The following GALK2 variants were observed in gnomAD, a reference collection of about 807,000 sequenced individuals.
GALK2 encodes galactokinase 2.
Under a neutral mutation model 52.4 loss-of-function variants are expected in GALK2, and 36 were observed. The observed-to-expected ratio is 0.69, with a 90% confidence interval of 0.53 to 0.91. GALK2 has a LOEUF of 0.91. GALK2 is among the 40% of genes least tolerant of loss of function. GALK2 has a pLI of 0.00. For missense variants in GALK2, 579 were observed against 559.1 expected (o/e 1.04, Z -0.36); for synonymous variants, 176 against 199.1 (o/e 0.88, Z 0.98).
chr15:49,253,064 GT>G (rs1363865672), intron 5 of GALK2, among the ~76,000 whole-genome samples: 2 of 144,334 alleles, frequency 1.4e-5, no homozygotes, highest in Non-Finnish European at 3.1e-5. Flanking sequence ...TCTATTATAT[GT>G]TGCAAATATT....
At position 49,201,224 on chromosome 15, in the gene GALK2, G is replaced by A. The variant is rs558491610; in HGVS notation, c.116G>A (p.Arg39Gln). 3.2e-5 allele frequency: 51 copies of A among 1,608,210 alleles called. No homozygotes were observed. In the Admixed American group the frequency reaches 5.7e-4, roughly 18 times the overall value. Reference protein sequence around the residue: ...KFGSIPKFYVRAPGRVNIIGE... With the variant: ...KFGSIPKFYVQAPGRVNIIGE... ...GGATCTATTCCCAAGTTTTATGTTC[G>A]AGCACCAGGAAGAGTCAACATAATA... is the stretch of plus-strand genomic sequence containing the variant. Residue 39 changes from arginine to glutamine, a missense_variant, in exon 2 of 10, where the codon CGA (arginine) becomes CAA (glutamine). Arg to Gln is a conservative substitution (Grantham distance 43). Transcript: ENST00000560031.
chr15:49,279,814 TG>T (rs1245927127), intron 5 of GALK2, among the ~76,000 whole-genome samples: 2 of 152,206 alleles, frequency 1.3e-5, no homozygotes, highest in South Asian at 4.1e-4. Flanking sequence ...TAAATCCAAG[TG>T]TTTTGATCTT....
intron 5 of GALK2, among the ~76,000 whole-genome samples, chr15:49,246,768 A>C (rs2091371070): frequency 6.6e-6 from 1 of 152,174 alleles, no homozygotes; most frequent in Non-Finnish European, 1.5e-5. Context: ...AACATGTATA[A>C]TACTGGATTT....
At chr15:49,315,562 C>A (rs944901310) in intron 8 of GALK2, among the ~76,000 whole-genome samples, 4 of 152,304 alleles carry the variant, frequency 2.6e-5, no homozygotes, top group Admixed American at 6.5e-5. Flanking sequence ...AACTGCTTTC[C>A]CACCCAAAGG....
intron 7 of GALK2, among the ~76,000 whole-genome samples, chr15:49,286,728 A>G (rs2033403975): frequency 6.6e-6 from 1 of 152,304 alleles, no homozygotes; most frequent in Non-Finnish European, 1.5e-5. Context: ...CAAGGGTTCA[A>G]TGAACTTTTT....
rs1219488720 is a variant in GALK2 at position 49,239,292 on chromosome 15, C to T, written c.429C>T (p.Gly143=). The T allele has an allele frequency of 6.2e-7, 1 of 1,614,086 alleles. No homozygotes were observed. Among genetic ancestry groups the T allele is most frequent in the Non-Finnish European group, 8.5e-7 (1 of 1,179,966 alleles). ...ATGGAAATATCCCACCAAGTTCTGG[C>T]CTCTCCAGCTCCAGTGCTTTGGTCT... ...LVDGNIPPSS[G]LSSSSALVCC... is the part of the protein sequence containing the mutation. Residue 143 remains glycine, a synonymous_variant, in exon 5 of 10, where the codon GGC becomes GGT. Transcript: ENST00000560031.
intron 8 of GALK2, among the ~76,000 whole-genome samples, chr15:49,299,772 T>C (rs868646261): frequency 6.0e-5 from 8 of 133,236 alleles, no homozygotes; most frequent in Non-Finnish European, 8.2e-5. Context: ...TCTTTCTTTC[T>C]TTCTTTCTTT....
intron 2 of GALK2, among the ~76,000 whole-genome samples, chr15:49,204,983 G>T (rs2088146249): frequency 6.6e-6 from 1 of 152,160 alleles, no homozygotes; most frequent in Non-Finnish European, 1.5e-5. Context: ...ATTTAACTTA[G>T]AATAATAGTC....
Position 49,235,908 on chromosome 15 carries a change from C to T in GALK2, c.324C>T (p.His108=). 1 of 1,613,258 alleles carries T rather than the reference C, an allele frequency of 6.2e-7. No homozygotes were observed. Among genetic ancestry groups the T allele is most frequent in the Non-Finnish European group, 8.5e-7 (1 of 1,179,220 alleles). ...IQIDKTKPLW[H]NYFLCGLKGI... The stretch of plus-strand genomic sequence containing the variant: ...TTGATAAAACCAAGCCTTTGTGGCA[C>T]AACTATTTCTTATGTGGACTTAAAG... Residue 108 remains histidine (H), a synonymous_variant, in exon 4 of 10, where the codon CAC becomes CAT. Coordinates refer to ENST00000560031, the MANE Select transcript of GALK2 (RefSeq NM_002044.4).
chr15:49,173,705 T>G (rs938219945), intron 1 of GALK2, among the ~76,000 whole-genome samples: 1 of 152,204 alleles, frequency 6.6e-6, no homozygotes, highest in African/African-American at 2.4e-5. Flanking sequence ...TTCTCAGATA[T>G]CTGGTATATC....
intron 5 of GALK2, among the ~76,000 whole-genome samples, chr15:49,270,718 T>C (rs1244160672): frequency 6.6e-6 from 1 of 152,214 alleles, no homozygotes; most frequent in Non-Finnish European, 1.5e-5. Context: ...AGATATGTAT[T>C]TGGTTGACTC....
At chr15:49,158,638 T>C (rs1212099695) in intron 1 of GALK2, among the ~76,000 whole-genome samples, 1 of 152,070 alleles carries the variant, frequency 6.6e-6, no homozygotes, top group Non-Finnish European at 1.5e-5. Flanking sequence ...AAAAATACTA[T>C]TACACAAAAT....
intron 2 of GALK2, among the ~76,000 whole-genome samples, chr15:49,203,514 G>A (rs1467922716): frequency 6.6e-6 from 1 of 152,178 alleles, no homozygotes; most frequent in Non-Finnish European, 1.5e-5. Context: ...TTGCTGTGCA[G>A]AAGCTTTTTA....
intron 1 of GALK2, among the ~76,000 whole-genome samples, chr15:49,179,640 CT>C (rs2085795967): frequency 7.2e-6 from 1 of 138,920 alleles, no homozygotes; most frequent in East Asian, 2.1e-4. Context: ...GTTCTTTTTT[CT>C]TTGTTTCTTT....
At chr15:49,199,452 A>T (rs1019827976) in intron 1 of GALK2, among the ~76,000 whole-genome samples, 2 of 152,154 alleles carry the variant, frequency 1.3e-5, no homozygotes, top group Non-Finnish European at 2.9e-5. Flanking sequence ...TTTGAGTGAT[A>T]TGCTAGCGAT....
Position 49,331,677 on chromosome 15 carries a change from G to T in GALK2, c.*3518G>T. ...CAAGAATGTATCCTCTCCTGCCACT[G>T]TAATTTGGGTGTGCCACCATACATT... On this transcript the variant is annotated 3_prime_UTR_variant, in exon 10 of 10. Transcript: ENST00000560031. 1.4e-6 allele frequency: 1 copy of T among 720,392 alleles called. No homozygotes were observed. The allele number at this position is 720,392 out of a possible 1,614,324, so 44.6% of individuals were successfully genotyped here.
chr15:49,169,819 G>A (rs974641999), upstream of GALK2, among the ~76,000 whole-genome samples: 1 of 152,154 alleles, frequency 6.6e-6, no homozygotes, highest in Non-Finnish European at 1.5e-5. Context: ...GAAGTAATCC[G>A]CAAAGAAGCA....
intron 8 of GALK2, among the ~76,000 whole-genome samples, chr15:49,305,268 G>A (rs2035452690): frequency 6.6e-6 from 1 of 152,164 alleles, no homozygotes; most frequent in South Asian, 2.1e-4. Flanking sequence ...CCTATTGTAT[G>A]TGTATAGACA....
intron 3 of GALK2, among the ~76,000 whole-genome samples, chr15:49,338,989 T>C (rs1596293805): frequency 6.6e-6 from 1 of 152,206 alleles, no homozygotes; most frequent in Non-Finnish European, 1.5e-5. Context: ...AGGTCACTTA[T>C]GTTCTTCTCT....
Sources: allele counts gnomAD v4.1 joint callset (sites outside exome capture counted in the v4.1 genomes callset), GRCh38; gene constraint gnomAD v4.1.1; transcripts MANE v1.5; gene names NCBI Gene and HGNC (gene_info 2026-07-23, HGNC 2026-07-21).